The following LRMDA variants were observed in gnomAD, a reference collection of about 807,000 sequenced individuals.
LRMDA encodes leucine rich melanocyte differentiation associated.
In LRMDA, 18 loss-of-function variants were observed where a neutral mutation model predicts 29.8. That is an observed-to-expected ratio of 0.60 (90% CI 0.42 to 0.90). The LOEUF (loss-of-function observed/expected upper bound fraction) is 0.90, where lower values mean the gene tolerates loss of function less well. LRMDA is among the 40% of genes least tolerant of loss of function. The pLI, the probability that LRMDA is intolerant of heterozygous loss-of-function variation, is 0.00. For missense variants in LRMDA, 273 were observed against 273.9 expected, an observed-to-expected ratio of 1.00 and a Z score of 0.02; for synonymous variants, 125 against 109.4, an observed-to-expected ratio of 1.14 and a Z score of -0.89.
intron 2 of LRMDA, among the ~76,000 whole-genome samples, chr10:75,578,372 A>G (rs1434275856): frequency 2.0e-5 from 3 of 152,040 alleles, no homozygotes; most frequent in Non-Finnish European, 4.4e-5. Flanking sequence ...ATATATATGT[A>G]CCCAGTACAG....
intron 5 of LRMDA, among the ~76,000 whole-genome samples, chr10:76,225,312 G>A (rs1328423886): frequency 6.6e-6 from 1 of 152,108 alleles, no homozygotes; most frequent in African/African-American, 2.4e-5. Context: ...TCAGGAGGCA[G>A]AGGCAGGAGA....
chr10:75,790,012 C>T (rs1843538542), intron 2 of LRMDA, among the ~76,000 whole-genome samples: 1 of 151,968 alleles, frequency 6.6e-6, no homozygotes, highest in African/African-American at 2.4e-5. Flanking sequence ...GAACTTTGAG[C>T]AGGTAGATTT....
In LRMDA at chr10:76,376,779, G is replaced by A. The variant is rs190588493; in HGVS notation, c.601+52294G>A. The stretch of plus-strand genomic sequence containing the variant: ...TAGCCATTCTGACTGGTATATGATG[G>A]CATCTCATTGTGGTTTTAATTTACA... On this transcript the variant is annotated intron_variant, in intron 6 of 6. Coordinates refer to ENST00000611255, the MANE Select transcript of LRMDA (RefSeq NM_001305581.2). 2.8e-3 allele frequency among the ~76,000 whole-genome samples: 417 copies of A among 147,244 alleles called. 3 individuals carry two copies. Among genetic ancestry groups the A allele is most frequent in the African/African-American group, 0.01 (406 of 40,202 alleles).
chr10:75,975,840 C>T (rs915522149), intron 2 of LRMDA, among the ~76,000 whole-genome samples: 4 of 152,306 alleles, frequency 2.6e-5, no homozygotes, highest in Middle Eastern at 3.4e-3. Context: ...CCTTCACCAC[C>T]GTTTCCAATT....
chr10:75,727,099 T>C (rs1236969113), intron 2 of LRMDA, among the ~76,000 whole-genome samples: 1 of 152,230 alleles, frequency 6.6e-6, no homozygotes, highest in Non-Finnish European at 1.5e-5. Context: ...TTAGCTGGCT[T>C]TCCTCCCTTG....
intron 6 of LRMDA, among the ~76,000 whole-genome samples, chr10:76,550,186 A>T (rs892419619): frequency 6.6e-6 from 1 of 152,240 alleles, no homozygotes; most frequent in Non-Finnish European, 1.5e-5. Context: ...TTAAAAATTG[A>T]TTAAGGAATT....
chr10:75,967,929 C>G (rs1182706191), intron 2 of LRMDA, among the ~76,000 whole-genome samples: 2 of 152,128 alleles, frequency 1.3e-5, no homozygotes, highest in African/African-American at 2.4e-5. Context: ...GTGTCCCGTT[C>G]CATTTAAGAC....
intron 2 of LRMDA, among the ~76,000 whole-genome samples, chr10:75,571,648 G>C (rs12761720): frequency 0.6 from 91,537 of 152,058 alleles, 31,060 homozygotes; most frequent in East Asian, 0.85. Flanking sequence ...CTGCTAAGAG[G>C]CTTCAGGGAA....
At chr10:75,822,299 A>C (rs1844175175) in intron 2 of LRMDA, among the ~76,000 whole-genome samples, 1 of 152,168 alleles carries the variant, frequency 6.6e-6, no homozygotes, top group South Asian at 2.1e-4. Flanking sequence ...AAAACACTGA[A>C]GAAAGAAATC....
chr10:76,167,065 T>A (rs193033900), intron 5 of LRMDA, among the ~76,000 whole-genome samples: 21 of 152,372 alleles, frequency 1.4e-4, no homozygotes, highest in Admixed American at 1.4e-3. Flanking sequence ...TTATCAGTGA[T>A]GTTGAGCTTT....
intron 5 of LRMDA, among the ~76,000 whole-genome samples, chr10:76,222,563 A>G (rs1263007023): frequency 6.6e-6 from 1 of 152,244 alleles, no homozygotes; most frequent in Non-Finnish European, 1.5e-5. Flanking sequence ...AATCAAAGCC[A>G]CAGTGAGATA....
At chr10:76,461,667 C>A (rs1245287086) in intron 6 of LRMDA, among the ~76,000 whole-genome samples, 2 of 152,120 alleles carry the variant, frequency 1.3e-5, no homozygotes, top group Non-Finnish European at 2.9e-5. Flanking sequence ...AGCCAGGAAT[C>A]CTCATCAAAC....
intron 5 of LRMDA, among the ~76,000 whole-genome samples, chr10:76,235,055 G>A (rs1026635336): frequency 6.6e-6 from 1 of 152,174 alleles, no homozygotes; most frequent in Non-Finnish European, 1.5e-5. Flanking sequence ...TCCTCACTAA[G>A]CTTAATCATT....
At chr10:76,050,324 C>T (rs1321503543) in intron 4 of LRMDA, among the ~76,000 whole-genome samples, 1 of 152,206 alleles carries the variant, frequency 6.6e-6, no homozygotes, top group East Asian at 1.9e-4. Context: ...CACTTCCTCA[C>T]TTACCCCCTG....
chr10:75,719,167 A>G (rs758824174), intron 2 of LRMDA, among the ~76,000 whole-genome samples: 21 of 152,368 alleles, frequency 1.4e-4, no homozygotes, highest in Middle Eastern at 3.4e-3. Flanking sequence ...CTGTTCTTCA[A>G]TTAACACCCA....
intron 2 of LRMDA, among the ~76,000 whole-genome samples, chr10:75,755,474 T>C (rs1263727183): frequency 6.6e-6 from 1 of 152,218 alleles, no homozygotes; most frequent in East Asian, 1.9e-4. Flanking sequence ...AACGGCAACA[T>C]GCATTCTAAT....
chr10:75,599,502 G>A (rs1457014976), intron 2 of LRMDA, among the ~76,000 whole-genome samples: 1 of 152,200 alleles, frequency 6.6e-6, no homozygotes, highest in Non-Finnish European at 1.5e-5. Context: ...ATCAGTCAGG[G>A]CTGTGTCTGG....
At chr10:75,933,495 G>T (rs1051960348) in intron 2 of LRMDA, among the ~76,000 whole-genome samples, 3 of 152,188 alleles carry the variant, frequency 2.0e-5, no homozygotes, top group African/African-American at 7.2e-5. Flanking sequence ...AGTGGATTCA[G>T]CCCAAGGTGG....
intron 2 of LRMDA, among the ~76,000 whole-genome samples, chr10:75,900,793 T>C (rs1845657652): frequency 6.6e-6 from 1 of 152,196 alleles, no homozygotes; most frequent in African/African-American, 2.4e-5. Flanking sequence ...CACCTTTCTT[T>C]TTCTTTTTAA....
Sources: gnomAD v4.1 joint callset for allele counts (sites outside exome capture counted in the v4.1 genomes callset) on GRCh38, gnomAD v4.1.1 for gene constraint, MANE v1.5 for transcripts, NCBI Gene and HGNC (gene_info 2026-07-23, HGNC 2026-07-21) for gene names.